Variants in PAK3 observed in about 807,000 individuals in gnomAD.
PAK3 encodes the protein p21 (RAC1) activated kinase 3.
A neutral mutation model predicts 41.0 loss-of-function variants in PAK3; 4 were observed. That is an observed-to-expected ratio of 0.10 (90% CI 0.05 to 0.22). The LOEUF is 0.22. Among genes scored for constraint, PAK3 ranks in the 10% least tolerant of loss-of-function variants. The pLI, the probability that PAK3 is intolerant of heterozygous loss-of-function variation, is 1.00. For missense variants in PAK3, 205 were observed against 409.9 expected, an observed-to-expected ratio of 0.50 and a Z score of 4.32; for synonymous variants, 146 against 139.6, an observed-to-expected ratio of 1.05 and a Z score of -0.32.
chrX:111,039,488 A>G (rs1365388880), intron 1 of PAK3, among the ~76,000 whole-genome samples: 1 of 111,745 alleles, frequency 8.9e-6, no homozygotes, highest in Non-Finnish European at 1.9e-5. Context: ...AGAGAATAGC[A>G]TCCATTCATC....
At chrX:111,086,726 G>A (rs1410762300) in intron 1 of PAK3, among the ~76,000 whole-genome samples, 2 of 111,306 alleles carry the variant, frequency 1.8e-5, no homozygotes, top group African/African-American at 6.5e-5. Context: ...GCACCATAGC[G>A]AACACAGTTA....
intron 1 of PAK3, among the ~76,000 whole-genome samples, chrX:110,965,123 C>T (rs2091055952): frequency 8.9e-6 from 1 of 112,257 alleles, no homozygotes; most frequent in African/African-American, 3.2e-5. Flanking sequence ...TCCAGCTTCT[C>T]CTGAACAAAG....
chrX:111,114,560 T>A (rs762673101), intron 4 of PAK3, among the ~76,000 whole-genome samples: 1 of 111,660 alleles, frequency 9.0e-6, no homozygotes, highest in East Asian at 2.8e-4. Context: ...TGACATAAGA[T>A]CTTTTCCTCT....
At chrX:111,021,383 A>G (rs918013262) in intron 1 of PAK3, among the ~76,000 whole-genome samples, 4 of 112,126 alleles carry the variant, frequency 3.6e-5, no homozygotes, top group Non-Finnish European at 7.5e-5. Flanking sequence ...GAAACTCCCC[A>G]GTACCAGTCT....
Position 111,142,614 on chromosome X carries a change from C to T in PAK3, c.276+418C>T, listed in dbSNP as rs919643431. The stretch of plus-strand genomic sequence containing the variant: ...CTAGAATACCCAGATCAGCTAACTA[C>T]GCTAACCAAGAATCTCTATGGAACT... On this transcript the variant is annotated intron_variant, in intron 6 of 17. Coordinates refer to ENST00000372007, the MANE Select transcript of PAK3 (RefSeq NM_002578.5). 6.2e-5 allele frequency among the ~76,000 whole-genome samples: 7 copies of T among 112,077 alleles called. No individual in the cohort carries two copies. In the East Asian group the frequency reaches 1.7e-3, roughly 27 times the overall value.
intron 1 of PAK3, among the ~76,000 whole-genome samples, chrX:111,007,505 G>A (rs1323827619): frequency 9.0e-6 from 1 of 111,699 alleles, no homozygotes; most frequent in African/African-American, 3.3e-5. Flanking sequence ...TACAGGCTGC[G>A]TGGGTCCAGC....
rs59407971 is a variant in PAK3, at chrX:111,203,042, T to C, written c.1407+6402T>C. ...CTTGGTTGCACATTGGAGTCATCTG[T>C]GGAGCTTTAAGAACCAGCGATTCTA... is the stretch of plus-strand genomic sequence containing the variant. On this transcript the variant is annotated intron_variant, in intron 16 of 17. Coordinates refer to ENST00000372007, the MANE Select transcript of PAK3 (RefSeq NM_002578.5). Among the ~76,000 whole-genome samples, 671 of 111,291 alleles carry C rather than the reference T, an allele frequency of 6.0e-3. 9 individuals are homozygous for C. Among genetic ancestry groups the C allele is most frequent in the African/African-American group, 0.02 (626 of 30,620 alleles).
At chrX:111,095,224 G>T (rs1333652561), upstream of PAK3, among the ~76,000 whole-genome samples, 1 of 111,922 alleles carries the variant, frequency 8.9e-6, no homozygotes, top group East Asian at 2.8e-4. Flanking sequence ...GAAAGAAAAA[G>T]TTACTCATAA....
chrX:110,981,703 A>G (rs1300730580), intron 1 of PAK3, among the ~76,000 whole-genome samples: 2 of 111,455 alleles, frequency 1.8e-5, no homozygotes, highest in African/African-American at 6.5e-5. Context: ...GAAAATCACA[A>G]CCCTGGCCAA....
chrX:111,173,646 T>A (rs750750964), intron 11 of PAK3, among the ~76,000 whole-genome samples: 8 of 111,536 alleles, frequency 7.2e-5, no homozygotes, highest in Non-Finnish European at 1.5e-4. Flanking sequence ...CAGGCCCCAC[T>A]GCCAAAGATT....
intron 11 of PAK3, among the ~76,000 whole-genome samples, chrX:111,190,466 A>ACAACATACT (rs2094551044): frequency 8.9e-6 from 1 of 111,968 alleles, no homozygotes; most frequent in Admixed American, 9.5e-5. Flanking sequence ...TCTGACATAT[A>ACAACATACT]CAACATACTC....
chrX:111,208,853 A>T (rs1016088850), intron 16 of PAK3, among the ~76,000 whole-genome samples: 8 of 111,609 alleles, frequency 7.2e-5, no homozygotes, highest in Non-Finnish European at 1.5e-4. Flanking sequence ...CATAGGTTTT[A>T]TATGAGGAAC....
intron 4 of PAK3, among the ~76,000 whole-genome samples, chrX:111,109,464 T>A (rs1187097180): frequency 8.9e-6 from 1 of 112,024 alleles, no homozygotes; most frequent in Non-Finnish European, 1.9e-5. Context: ...CTCAAGACGA[T>A]GAGTGAAAAA....
chrX:111,000,626 A>G (rs1034977342), intron 1 of PAK3, among the ~76,000 whole-genome samples: 4 of 112,149 alleles, frequency 3.6e-5, no homozygotes, highest in Non-Finnish European at 7.5e-5. Flanking sequence ...ATCTTATTGT[A>G]TCAATGTTAA....
intron 1 of PAK3, among the ~76,000 whole-genome samples, chrX:111,084,465 C>T (rs755169539): frequency 8.9e-6 from 1 of 112,668 alleles, no homozygotes; most frequent in Non-Finnish European, 1.9e-5. Context: ...ATGTTTAGCC[C>T]TAACTGTGAG....
chrX:111,035,663 A>C (rs186953521), intron 1 of PAK3, among the ~76,000 whole-genome samples: 66 of 112,474 alleles, frequency 5.9e-4, no homozygotes, highest in South Asian at 1.5e-3. Context: ...GTGCAACTAC[A>C]TGATATTATG....
At chrX:111,194,929 C>T (rs1382263488) in intron 14 of PAK3, among the ~76,000 whole-genome samples, 3 of 112,456 alleles carry the variant, frequency 2.7e-5, no homozygotes, top group Non-Finnish European at 5.6e-5. Context: ...GACGGTCTGT[C>T]TCTTTTCCAG....
chrX:111,015,635 T>A lies in PAK3; in HGVS notation c.-28+71007T>A, dbSNP rs1266241998. On this transcript the variant is annotated intron_variant, in intron 1 of 14. Coordinates refer to the PAK3 transcript ENST00000425146. Reference sequence around the variant, plus strand: ...TTATTCTCTGTTTTCTTGTTGATAATGGCCATCCTATTGGGTGTAAGGTGA... The same window carrying A: ...TTATTCTCTGTTTTCTTGTTGATAAAGGCCATCCTATTGGGTGTAAGGTGA... 1.3e-4 allele frequency among the ~76,000 whole-genome samples: 14 copies of A among 111,624 alleles called. No homozygotes were observed. The Admixed American group carries it at 1.3e-3, about 11-fold the overall frequency.
intron 4 of PAK3, among the ~76,000 whole-genome samples, chrX:111,107,751 G>A (rs893925398): frequency 3.6e-5 from 4 of 111,912 alleles, no homozygotes; most frequent in African/African-American, 1.3e-4. Context: ...TTCTTTGATA[G>A]CAAGAACTAT....
Sources: gnomAD v4.1 joint callset for allele counts (sites outside exome capture counted in the v4.1 genomes callset) on GRCh38, gnomAD v4.1.1 for gene constraint, MANE v1.5 for transcripts, NCBI Gene and HGNC (gene_info 2026-07-23, HGNC 2026-07-21) for gene names.